Variants in DCLRE1C observed in about 807,000 individuals in gnomAD.
The protein encoded by DCLRE1C is protein artemis.
Under a neutral mutation model 61.4 loss-of-function variants are expected in DCLRE1C, and 47 were observed. The ratio of observed to expected loss-of-function variants is 0.77; its 90% CI spans 0.61 to 0.98. The LOEUF is 0.98. Ranked by LOEUF, DCLRE1C falls within the 50% of genes least tolerant of loss-of-function variation. The pLI, the probability that DCLRE1C is intolerant of heterozygous loss-of-function variation, is 0.00. For missense variants in DCLRE1C, 858 were observed against 816.0 expected (o/e 1.05, Z -0.63); for synonymous variants, 337 against 287.6 (o/e 1.17, Z -1.74).
chr10:14,908,562 T>C lies in DCLRE1C; in HGVS notation c.1925A>G (p.Asn642Ser). ...ATCAGAAGAGCTCTGGGAATCTGCA[T>C]TTGTGCTAAGATTTAGCAAACTTTT... ...EEKSLLNLSTNADSQSSSDFE... is the reference protein window; with the variant it reads ...EEKSLLNLSTSADSQSSSDFE... The change falls in exon 14 of 14, where the codon AAT becomes AGT. Residue 642 changes from asparagine to serine, a missense_variant. Coordinates refer to ENST00000378278, the MANE Select transcript of DCLRE1C (RefSeq NM_001033855.3). The C allele has an allele frequency of 6.2e-7, 1 of 1,614,194 alleles. No individual in the cohort carries two copies. The highest frequency in any genetic ancestry group is 8.5e-7 in the Non-Finnish European group (1 of 1,180,038).
rs895355133 is a variant in DCLRE1C, at chr10:14,922,962, A to G, written c.1061+19T>C. 19 of 1,591,218 alleles carry G rather than the reference A, an allele frequency of 1.2e-5. No homozygotes were observed. In the African/African-American group the frequency reaches 2.0e-4, roughly 17 times the overall value. ...GCCACCAAGGGGGACACCAAGTCCC[A>G]CAACCAGTGACTACTCACATTTCGA... On this transcript the variant is annotated intron_variant, in intron 12 of 13. Coordinates refer to ENST00000378278, the MANE Select transcript of DCLRE1C (RefSeq NM_001033855.3).
At position 14,948,728 on chromosome 10, in the gene DCLRE1C, CGTT is replaced by C. The variant is rs143688475; in HGVS notation, c.161+305_161+307del. ...CCATCTCTGTTTTTTTTGTTGCTGT[CGTT>C]GTTGTTGTTGTTGTTTTTAGAGAGT... On this transcript the variant is annotated intron_variant, in intron 2 of 13. Transcript: ENST00000378278. 6.8e-4 allele frequency among the ~76,000 whole-genome samples: 102 copies of C among 149,726 alleles called. 1 individual carries two copies. Among genetic ancestry groups the C allele is most frequent in the East Asian group, 9.7e-4 (5 of 5,144 alleles).
In DCLRE1C at chr10:14,908,677, C is replaced by A; in HGVS notation, c.1810G>T (p.Asp604Tyr). Residue 604 changes from aspartate (D) to tyrosine (Y), a missense_variant, in exon 14 of 14, where the codon GAT becomes TAT. By Grantham distance (160) the Asp-to-Tyr change is radical. Around this residue, in one of 2 missense-constraint regions of DCLRE1C, gnomAD observed 843 missense variants for 783.5 expected, o/e 1.08. Coordinates refer to ENST00000378278, the MANE Select transcript of DCLRE1C (RefSeq NM_001033855.3). Reference protein sequence around the residue: ...NVICPKDTYSDLKSRDKDVTI... With the variant: ...NVICPKDTYSYLKSRDKDVTI... ...ACATCTTTATCTCTGCTTTTCAAAT[C>A]AGAGTAAGTATCCTTTGGGCAAATT... The A allele has an allele frequency of 6.2e-7, 1 of 1,614,180 alleles. No homozygotes were observed. Among genetic ancestry groups the A allele is most frequent in the Non-Finnish European group, 8.5e-7 (1 of 1,180,036 alleles).
Position 14,909,202 on chromosome 10 carries a change from G to A in DCLRE1C, c.1285C>T (p.Leu429=), listed in dbSNP as rs752137206. Residue 429 remains leucine, a synonymous_variant, in exon 14 of 14, where the codon CTG becomes TTG. Coordinates refer to ENST00000378278, the MANE Select transcript of DCLRE1C (RefSeq NM_001033855.3). ...TAVSEKQPEK[L]RQTPGCCRAE... ...CTGCAGCATCCTGGGGTTTGTCTCA[G>A]TTTTTCAGGCTGCTTTTCTGATACT... is the stretch of plus-strand genomic sequence containing the variant. 3 of 1,614,118 alleles carry A rather than the reference G, an allele frequency of 1.9e-6. No homozygotes were observed. In the South Asian group the frequency reaches 3.3e-5, roughly 18 times the overall value.
At position 14,899,588 on chromosome 10, in the gene DCLRE1C, A is replaced by G. The variant is rs1212027801; in HGVS notation, c.1157-276T>C. On this transcript the variant is annotated intron_variant, in intron 13 of 13. Coordinates refer to the DCLRE1C transcript ENST00000378289. Reference sequence around the variant, plus strand: ...AGACGAGGACAGTTCTATGACAACAAGGGAATCACGTATCTCTTTGATCTG... The same window carrying G: ...AGACGAGGACAGTTCTATGACAACAGGGGAATCACGTATCTCTTTGATCTG... 1.9e-6 allele frequency: 3 copies of G among 1,614,104 alleles called. No homozygotes were observed. The highest frequency in any genetic ancestry group is 1.3e-5 in the African/African-American group (1 of 74,950).
intron 13 of DCLRE1C, among the ~76,000 whole-genome samples, chr10:14,913,045 C>T (rs922328560): frequency 2.6e-5 from 4 of 151,098 alleles, no homozygotes; most frequent in South Asian, 4.2e-4. Context: ...TTAGTAGAGA[C>T]GGGGTTTCAC....
At chr10:14,902,681 C>T (rs1834106064), downstream of DCLRE1C, 3 of 507,048 alleles carry the variant, frequency 5.9e-6, no homozygotes. Flanking sequence ...AAAAGGGGGT[C>T]ACTGGGTCTC....
Position 14,935,527 on chromosome 10 carries a change from T to G in DCLRE1C, c.400A>C (p.Thr134Pro). ...CCTTGCGCCAATCTGAAGTCTCCTG[T>G]GTACAGGACAGTTCCATTATTGCCC... ...FQGNNGTVLY[T>P]GDFRLAQGEA... is the part of the protein sequence containing the mutation. The change falls in exon 6 of 14, where the codon ACA becomes CCA. Residue 134 changes from threonine (T) to proline (P), a missense_variant. Physicochemically the swap from Thr to Pro is conservative, Grantham distance 38. Transcript: ENST00000378278. 1.2e-6 allele frequency: 2 copies of G among 1,614,120 alleles called. No individual in the cohort carries two copies. The highest frequency in any genetic ancestry group is 1.7e-6 in the Non-Finnish European group (2 of 1,179,980).
At chr10:14,952,956 C>T (rs1179297370) in intron 1 of DCLRE1C, among the ~76,000 whole-genome samples, 2 of 152,282 alleles carry the variant, frequency 1.3e-5, no homozygotes, top group East Asian at 1.9e-4. Flanking sequence ...GTTTGGATAC[C>T]TGTAATTTAC....
At chr10:14,950,573 C>T (rs1805031232) in intron 1 of DCLRE1C, among the ~76,000 whole-genome samples, 1 of 152,180 alleles carries the variant, frequency 6.6e-6, no homozygotes, top group Admixed American at 6.5e-5. Context: ...CTGTCTCCCA[C>T]TGGGTAAATT....
chr10:14,912,316 A>G (rs1444878375), intron 13 of DCLRE1C, among the ~76,000 whole-genome samples: 1 of 152,136 alleles, frequency 6.6e-6, no homozygotes, highest in African/African-American at 2.4e-5. Flanking sequence ...TCGGCCTCCC[A>G]AAGTGCTGGG....
downstream of DCLRE1C, among the ~76,000 whole-genome samples, chr10:14,901,585 TC>T (rs1283019892): frequency 1.3e-5 from 2 of 151,780 alleles, no homozygotes; most frequent in African/African-American, 4.8e-5. Context: ...GCATGCTGGC[TC>T]CTGCCTGTAA....
chr10:14,943,131 GAAA>G (rs972209221), intron 3 of DCLRE1C, among the ~76,000 whole-genome samples: 1 of 148,448 alleles, frequency 6.7e-6, no homozygotes, highest in Non-Finnish European at 1.5e-5. Context: ...TCAAAAAAAG[GAAA>G]AAAAAAAGTA....
rs1477434785 is a variant in DCLRE1C at position 14,936,585 on chromosome 10, C to G, written c.315G>C (p.Glu105Asp). 5.6e-6 allele frequency: 9 copies of G among 1,612,534 alleles called. No homozygotes were observed. Among genetic ancestry groups the G allele is most frequent in the East Asian group, 4.5e-5 (2 of 44,874 alleles). ...CAGCTGGTAAGAGAGTCACAACAAT[C>G]TCTTCCTTCTAAAAAGAAAATAAAG... Reference protein sequence around the residue: ...LVDEASGEKEEIVVTLLPAGH... With the variant: ...LVDEASGEKEDIVVTLLPAGH... The change falls in exon 5 of 14, where the codon GAG becomes GAC. Residue 105 changes from glutamate to aspartate, a missense_variant. By Grantham distance (45) the Glu-to-Asp change is conservative. This residue lies in a region of DCLRE1C where 843 missense variants were observed against 783.5 expected (regional missense o/e 1.08). Coordinates refer to ENST00000378278, the MANE Select transcript of DCLRE1C (RefSeq NM_001033855.3).
intron 1 of DCLRE1C, among the ~76,000 whole-genome samples, chr10:14,950,409 C>G (rs1842296812): frequency 6.7e-6 from 1 of 149,792 alleles, no homozygotes; most frequent in African/African-American, 2.5e-5. Context: ...TAAACCAAAC[C>G]AATTCTAATT....
At chr10:14,915,843 G>A (rs927132835) in intron 13 of DCLRE1C, among the ~76,000 whole-genome samples, 1 of 152,030 alleles carries the variant, frequency 6.6e-6, no homozygotes, top group Non-Finnish European at 1.5e-5. Context: ...CAAAACTCCA[G>A]ATCAATATCC....
At chr10:14,922,912 ACT>A in intron 12 of DCLRE1C, 67 bp downstream of exon 12, 1 of 1,083,858 alleles carries the variant, frequency 9.2e-7, no homozygotes, top group Non-Finnish European at 1.4e-6. Context: ...ATTCAGGCAA[ACT>A]CTCCTTTGTG....
rs556416599 is a variant in DCLRE1C, at chr10:14,922,536, A to C, written c.1061+445T>G. Among the ~76,000 whole-genome samples, 2 of 152,092 alleles carry C rather than the reference A, an allele frequency of 1.3e-5. 1 individual carries two copies. Among genetic ancestry groups the C allele is most frequent in the South Asian group, 4.1e-4 (2 of 4,824 alleles). On this transcript the variant is annotated intron_variant, in intron 12 of 13. Coordinates refer to ENST00000378278, the MANE Select transcript of DCLRE1C (RefSeq NM_001033855.3). ...GTAGTAAAAGACATCCATGAATACGATTGCACCTCTCCTTTGGCTTCAGTT... is the reference window on the plus strand; with the variant it reads ...GTAGTAAAAGACATCCATGAATACGCTTGCACCTCTCCTTTGGCTTCAGTT...
chr10:14,923,498 C>T (rs1311628724), intron 11 of DCLRE1C: 1 of 208,026 alleles, frequency 4.8e-6, no homozygotes, highest in Non-Finnish European at 9.8e-6. Flanking sequence ...ACACAAAAAC[C>T]CAAGGTCTCA....
Sources: gnomAD v4.1 joint callset for allele counts (sites outside exome capture counted in the v4.1 genomes callset) on GRCh38, gnomAD v4.1.1 for gene constraint, gnomAD v4.1.1 regional missense constraint, MANE v1.5 for transcripts, NCBI Gene and HGNC (gene_info 2026-07-23, HGNC 2026-07-21) for gene names.